Variants in GNAQ observed in about 807,000 individuals in gnomAD.
GNAQ encodes G protein subunit alpha q, also known as guanine nucleotide-binding protein G(q) subunit alpha.
GNAQ carries 8 observed loss-of-function variants against 43.9 expected under a neutral mutation model. The observed-to-expected ratio is 0.18, with a 90% CI of 0.11 to 0.33. The LOEUF (loss-of-function observed/expected upper bound fraction) is 0.33. Ranked by LOEUF, GNAQ falls within the 10% of genes least tolerant of loss-of-function variation. The probability of loss-of-function intolerance (pLI) is 1.00; values close to 1 mark genes in which losing one functional copy is unlikely to be tolerated. For synonymous variants in GNAQ, 155 were observed against 170.7 expected (o/e 0.91, Z 0.71); for missense variants, 158 against 450.8 (o/e 0.35, Z 5.88).
At chr9:78,029,147 C>G (rs1308828639) in intron 1 of GNAQ, among the ~76,000 whole-genome samples, 1 of 151,918 alleles carries the variant, frequency 6.6e-6, no homozygotes, top group Non-Finnish European at 1.5e-5. Context: ...AAACCTAGGC[C>G]CACTGAGAAA....
At chr9:77,810,926 G>A (rs73453724) in intron 3 of GNAQ, among the ~76,000 whole-genome samples, 14,951 of 152,140 alleles carry the variant, frequency 0.098, 817 homozygotes, top group South Asian at 0.19. Flanking sequence ...CTCTTGAGTC[G>A]GGTCTTAAAG....
At chr9:77,995,157 A>T (rs958013082) in intron 1 of GNAQ, among the ~76,000 whole-genome samples, 1 of 152,242 alleles carries the variant, frequency 6.6e-6, no homozygotes, top group Non-Finnish European at 1.5e-5. Flanking sequence ...ATATGAATGT[A>T]TGAGATAGCA....
chr9:77,756,647 T>C (rs1294423283), intron 5 of GNAQ, among the ~76,000 whole-genome samples: 3 of 152,230 alleles, frequency 2.0e-5, no homozygotes, highest in Non-Finnish European at 2.9e-5. Flanking sequence ...ACTGGATTGC[T>C]TCCTTAACAG....
intron 5 of GNAQ, among the ~76,000 whole-genome samples, chr9:77,789,793 T>C (rs1295949653): frequency 6.6e-6 from 1 of 152,218 alleles, no homozygotes; most frequent in African/African-American, 2.4e-5. Context: ...CTTTCCAATT[T>C]ATATGCATAC....
chr9:77,834,055 G>A (rs1286353789), intron 2 of GNAQ, among the ~76,000 whole-genome samples: 1 of 152,076 alleles, frequency 6.6e-6, no homozygotes, highest in African/African-American at 2.4e-5. Context: ...TAAATAGTAT[G>A]AGTTTTAGAA....
intron 5 of GNAQ, among the ~76,000 whole-genome samples, chr9:77,789,599 C>T (rs1465295248): frequency 6.6e-6 from 1 of 151,994 alleles, no homozygotes; most frequent in Non-Finnish European, 1.5e-5. Context: ...AAATTCTTTT[C>T]TTTTTTGCAG....
At chr9:77,875,946 C>T (rs1369938877) in intron 2 of GNAQ, among the ~76,000 whole-genome samples, 2 of 152,136 alleles carry the variant, frequency 1.3e-5, no homozygotes, top group Non-Finnish European at 2.9e-5. Context: ...TGACATGCAG[C>T]AGCATTTCCC....
intron 5 of GNAQ, among the ~76,000 whole-genome samples, chr9:77,761,079 G>A (rs1429968398): frequency 1.3e-5 from 2 of 152,190 alleles, no homozygotes; most frequent in Admixed American, 6.5e-5. Flanking sequence ...AGTGAGGAGC[G>A]TCTCTGCCCG....
chr9:77,727,266 C>T (rs983282092), intron 6 of GNAQ, among the ~76,000 whole-genome samples: 3 of 152,046 alleles, frequency 2.0e-5, no homozygotes, highest in Admixed American at 2.0e-4. Flanking sequence ...GATCCTCTCA[C>T]CTCAGTCTCC....
chr9:77,876,864 C>T (rs964710958), intron 2 of GNAQ, among the ~76,000 whole-genome samples: 1 of 152,140 alleles, frequency 6.6e-6, no homozygotes, highest in African/African-American at 2.4e-5. Flanking sequence ...TCTACAACAG[C>T]GATAGTCTCA....
At chr9:77,850,991 G>A (rs1456221428) in intron 2 of GNAQ, among the ~76,000 whole-genome samples, 1 of 152,016 alleles carries the variant, frequency 6.6e-6, no homozygotes, top group Non-Finnish European at 1.5e-5. Context: ...TCTTACTAAA[G>A]TGCTTGGTAC....
At chr9:77,891,713 C>G (rs1369809285) in intron 2 of GNAQ, among the ~76,000 whole-genome samples, 1 of 152,200 alleles carries the variant, frequency 6.6e-6, no homozygotes, top group Non-Finnish European at 1.5e-5. Flanking sequence ...GAAAGCCGTA[C>G]TAGTTCTCAT....
chr9:78,018,092 T>C (rs527701954), intron 1 of GNAQ, among the ~76,000 whole-genome samples: 42 of 152,130 alleles, frequency 2.8e-4, no homozygotes, highest in Non-Finnish European at 5.0e-4. Flanking sequence ...ATTATGTGTG[T>C]GCATGTTTTA....
chr9:77,843,310 T>C (rs1827521531), intron 2 of GNAQ, among the ~76,000 whole-genome samples: 1 of 152,100 alleles, frequency 6.6e-6, no homozygotes, highest in Non-Finnish European at 1.5e-5. Context: ...TAAACTGTCC[T>C]AGAGACAGCA....
chr9:77,973,195 T>C (rs1018986126), intron 1 of GNAQ, among the ~76,000 whole-genome samples: 6 of 152,064 alleles, frequency 3.9e-5, no homozygotes, highest in African/African-American at 1.4e-4. Context: ...AATTATCCTT[T>C]AAGGAAAACA....
chr9:77,833,545 T>C (rs1827334843), intron 2 of GNAQ, among the ~76,000 whole-genome samples: 1 of 152,254 alleles, frequency 6.6e-6, no homozygotes, highest in South Asian at 2.1e-4. Context: ...TTTGGCTATG[T>C]GTAGACACTA....
intron 5 of GNAQ, among the ~76,000 whole-genome samples, chr9:77,737,080 TGA>T (rs1381339210): frequency 6.6e-6 from 1 of 152,256 alleles, no homozygotes; most frequent in Non-Finnish European, 1.5e-5. Context: ...CTTACTGAGC[TGA>T]GAGTCAGGTA....
In GNAQ at chr9:77,930,531, G is replaced by A. The variant is rs375295439; in HGVS notation, c.137-8186C>T. ...AGTCATTCATATAAGCTTTCCTTTA[G>A]TGATTTCTTTCATTTATGTCTTTAA... On this transcript the variant is annotated intron_variant, in intron 1 of 6. Coordinates refer to ENST00000286548, the MANE Select transcript of GNAQ (RefSeq NM_002072.5). Among the ~76,000 whole-genome samples the A allele has an allele frequency of 3.0e-3, 457 of 152,186 alleles. 1 individual carries two copies. Among genetic ancestry groups the A allele is most frequent in the African/African-American group, 9.1e-3 (379 of 41,538 alleles).
chr9:77,794,775 A>G (rs948222918), intron 4 of GNAQ, among the ~76,000 whole-genome samples, 183 bp from the exon 5 acceptor site: 17 of 152,164 alleles, frequency 1.1e-4, no homozygotes, highest in Non-Finnish European at 1.6e-4. Flanking sequence ...TTCAAAGTTA[A>G]AACATTCTGG....
Sources: allele counts gnomAD v4.1 joint callset (sites outside exome capture counted in the v4.1 genomes callset), GRCh38; gene constraint gnomAD v4.1.1; transcripts MANE v1.5; gene names NCBI Gene and HGNC (gene_info 2026-07-23, HGNC 2026-07-21).